TPRG1: variants seen among roughly 807,000 people sequenced by gnomAD.
The protein encoded by TPRG1 is tumor protein p63 regulated 1, also known as tumor protein p63-regulated gene 1 protein.
A neutral mutation model predicts 29.3 loss-of-function variants in TPRG1; 29 were observed. That is an observed-to-expected ratio of 0.99 (90% confidence interval 0.74 to 1.35). TPRG1 has a LOEUF of 1.35. TPRG1 is among the 40% of genes most tolerant of loss of function. The probability of loss-of-function intolerance (pLI) is 0.00; values close to 1 mark genes in which losing one functional copy is unlikely to be tolerated. For synonymous variants in TPRG1, 130 were observed against 116.8 expected (o/e 1.11, Z -0.73); for missense variants, 327 against 335.0 (o/e 0.98, Z 0.19).
intron 4 of TPRG1, among the ~76,000 whole-genome samples, chr3:189,084,338 T>A (rs1717799110): frequency 6.6e-6 from 1 of 152,078 alleles, no homozygotes; most frequent in African/African-American, 2.4e-5. Flanking sequence ...TGTCAAGGGG[T>A]CTTACTGAAT....
intron 2 of TPRG1, among the ~76,000 whole-genome samples, chr3:189,128,306 CG>C (rs1339049571): frequency 1.3e-5 from 2 of 151,918 alleles, no homozygotes; most frequent in Non-Finnish European, 2.9e-5. Flanking sequence ...TGTGCAAAGA[CG>C]GCCTGGAGGA....
chr3:189,165,897 C>T (rs1728107426), intron 5 of TPRG1, among the ~76,000 whole-genome samples: 1 of 152,132 alleles, frequency 6.6e-6, no homozygotes, highest in Non-Finnish European at 1.5e-5. Flanking sequence ...GGAACAGAGG[C>T]AGGGCTGTAA....
chr3:189,221,627 T>C (rs756777059), intron 3 of TPRG1, among the ~76,000 whole-genome samples: 1 of 152,210 alleles, frequency 6.6e-6, no homozygotes, highest in Non-Finnish European at 1.5e-5. Context: ...CTATTAGATC[T>C]TTAAATAAAA....
chr3:189,078,305 T>G (rs1394822893), intron 4 of TPRG1, among the ~76,000 whole-genome samples: 1 of 151,820 alleles, frequency 6.6e-6, no homozygotes, highest in African/African-American at 2.4e-5. Context: ...GCTTGGCTAA[T>G]TTTTGTATTT....
intron 4 of TPRG1, among the ~76,000 whole-genome samples, chr3:189,301,738 C>T (rs967346858): frequency 1.3e-5 from 2 of 152,150 alleles, no homozygotes; most frequent in Non-Finnish European, 2.9e-5. Flanking sequence ...AGCTTAGCCA[C>T]GGGTTCCATT....
chr3:189,266,516 T>A (rs897442050), intron 4 of TPRG1, among the ~76,000 whole-genome samples: 7 of 152,114 alleles, frequency 4.6e-5, no homozygotes, highest in Non-Finnish European at 1.0e-4. Flanking sequence ...AGGGACATGA[T>A]GAGTTGGTGT....
chr3:189,322,893 G>A lies in TPRG1; in HGVS notation c.*2073G>A, dbSNP rs1577066150. 6.6e-6 allele frequency: 1 copy of A among 152,212 alleles called. No individual in the cohort carries two copies. Among genetic ancestry groups the A allele is most frequent in the East Asian group, 1.9e-4 (1 of 5,172 alleles). 9.4% of individuals were successfully genotyped at this position (152,212 alleles called of 1,614,324 possible). A position where few individuals can be genotyped will look rare whatever the true frequency, so the allele number is the denominator to read the frequency against. On this transcript the variant is annotated 3_prime_UTR_variant, in exon 6 of 6. Transcript: ENST00000345063. ...ATAAGCATTTAATGGAATCAAAGCTGTTTTGCATAAAGAGTGAACTCAGAG... is the reference window on the plus strand; with the variant it reads ...ATAAGCATTTAATGGAATCAAAGCTATTTTGCATAAAGAGTGAACTCAGAG...
chr3:189,200,918 A>G (rs771306772), intron 1 of TPRG1, among the ~76,000 whole-genome samples: 4 of 152,232 alleles, frequency 2.6e-5, no homozygotes, highest in Non-Finnish European at 4.4e-5. Flanking sequence ...TGATTAGGCT[A>G]TAAGGGCTCT....
chr3:189,266,141 A>G (rs949345790), intron 4 of TPRG1, among the ~76,000 whole-genome samples: 1 of 152,164 alleles, frequency 6.6e-6, no homozygotes, highest in African/African-American at 2.4e-5. Flanking sequence ...CTCATATACT[A>G]ATTTGTAAAA....
At chr3:189,279,247 G>A (rs1297338933) in intron 4 of TPRG1, among the ~76,000 whole-genome samples, 1 of 152,110 alleles carries the variant, frequency 6.6e-6, no homozygotes, top group Non-Finnish European at 1.5e-5. Context: ...GAAGAGAGTG[G>A]AGAGTCAGAA....
chr3:189,065,058 G>A lies in TPRG1; in HGVS notation c.-463+41112G>A, dbSNP rs147549732. The stretch of plus-strand genomic sequence containing the variant: ...TTGAAAATTAGCTGTATGTGTTGGC[G>A]CACAGCTACTCAAGAGGTTGAAACA... On this transcript the variant is annotated intron_variant, in intron 4 of 10. Transcript: ENST00000433971. 2.5e-3 allele frequency among the ~76,000 whole-genome samples: 378 copies of A among 151,990 alleles called. 2 individuals carry two copies. The highest frequency in any genetic ancestry group is 8.1e-3 in the African/African-American group (337 of 41,456).
chr3:189,164,608 A>G (rs1578621070), intron 5 of TPRG1, among the ~76,000 whole-genome samples: 1 of 38,120 alleles, frequency 2.6e-5, no homozygotes, highest in Non-Finnish European at 4.4e-5. Flanking sequence ...AAATAAGCTA[A>G]AAAAAAAAAT....
At chr3:189,029,636 T>C (rs1489505553) in intron 4 of TPRG1, among the ~76,000 whole-genome samples, 1 of 152,228 alleles carries the variant, frequency 6.6e-6, no homozygotes, top group Admixed American at 6.5e-5. Context: ...CTAGCTGATA[T>C]GGTTTGGGTG....
intron 4 of TPRG1, among the ~76,000 whole-genome samples, chr3:189,269,612 A>T (rs533687873): frequency 6.6e-6 from 1 of 152,314 alleles, no homozygotes; most frequent in African/African-American, 2.4e-5. Flanking sequence ...GCAGAAAAAA[A>T]AACCCTGTTA....
chr3:189,313,846 A>G (rs9855189), intron 5 of TPRG1, among the ~76,000 whole-genome samples: 58,008 of 151,976 alleles, frequency 0.38, 11,883 homozygotes, highest in Middle Eastern at 0.49. Context: ...TGGATCAAGC[A>G]AAAAGGAGTA....
intron 4 of TPRG1, among the ~76,000 whole-genome samples, chr3:189,244,322 G>T (rs1741063365): frequency 6.6e-6 from 1 of 151,968 alleles, no homozygotes; most frequent in Non-Finnish European, 1.5e-5. Flanking sequence ...CCCAGGCTGA[G>T]ACAGGAGAAT....
chr3:189,141,561 A>G (rs1383801223), intron 3 of TPRG1, among the ~76,000 whole-genome samples: 4 of 152,162 alleles, frequency 2.6e-5, no homozygotes, highest in African/African-American at 9.7e-5. Context: ...AAATCCAGGG[A>G]TGGGGATAGA....
intron 3 of TPRG1, among the ~76,000 whole-genome samples, chr3:189,005,246 T>C (rs150795104): frequency 2.6e-5 from 4 of 152,264 alleles, no homozygotes; most frequent in African/African-American, 7.2e-5. Flanking sequence ...CTTGAACTCA[T>C]AGAAAATGTT....
intron 1 of TPRG1, among the ~76,000 whole-genome samples, chr3:189,174,159 G>A (rs573290872): frequency 6.6e-5 from 10 of 152,322 alleles, no homozygotes; most frequent in Admixed American, 2.6e-4. Flanking sequence ...TAATGGCAGC[G>A]TCAAGTCCGA....
Sources: allele counts gnomAD v4.1 joint callset (sites outside exome capture counted in the v4.1 genomes callset), GRCh38; gene constraint gnomAD v4.1.1; transcripts MANE v1.5; gene names NCBI Gene and HGNC (gene_info 2026-07-23, HGNC 2026-07-21).